ASS1: variants seen among roughly 807,000 people sequenced by gnomAD.
ASS1 encodes the protein argininosuccinate synthase.
ASS1 carries 58 observed loss-of-function variants against 60.5 expected under a neutral mutation model. The observed-to-expected ratio is 0.96, with a 90% CI of 0.78 to 1.19. The LOEUF is 1.19. Among genes scored for constraint, ASS1 ranks in the 50% most tolerant of loss-of-function variants. The pLI is 0.00. For synonymous variants in ASS1, 200 were observed against 206.9 expected (o/e 0.97, Z 0.29); for missense variants, 454 against 547.3 (o/e 0.83, Z 1.70).
Position 130,488,925 on chromosome 9 carries a change from C to T in ASS1, c.839-408C>T, listed in dbSNP as rs1171343082. ...TGTGTACATGTATGTGCACAGCTGT[C>T]CCCCTCCCCTGGCTCCCTGGTGGAA... is the stretch of plus-strand genomic sequence containing the variant. On this transcript the variant is annotated intron_variant, in intron 11 of 14. Transcript: ENST00000352480. The surrounding 1 kb of genome is among the most constrained non-coding windows in gnomAD (Gnocchi z 5.2). Among the ~76,000 whole-genome samples, 1 of 152,192 alleles carries T rather than the reference C, an allele frequency of 6.6e-6. No individual in the cohort carries two copies. Among genetic ancestry groups the T allele is most frequent in the Non-Finnish European group, 1.5e-5 (1 of 68,036 alleles).
At chr9:130,452,091 C>T (rs747630685) in intron 1 of ASS1, 133 bp from the exon 2 acceptor site, 1 of 789,292 alleles carries the variant, frequency 1.3e-6, no homozygotes, top group South Asian at 1.5e-5. Context: ...CATCCTGTTC[C>T]CGACCTTCAG....
intron 8 of ASS1, among the ~76,000 whole-genome samples, chr9:130,474,758 A>G (rs2131890650): frequency 6.6e-6 from 1 of 152,322 alleles, no homozygotes; most frequent in Non-Finnish European, 1.5e-5. Context: ...AGCCCAGGTT[A>G]CTACAGCAGC....
chr9:130,473,336 C>T lies in ASS1; in HGVS notation c.597+1821C>T, dbSNP rs190342447. Among the ~76,000 whole-genome samples the T allele has an allele frequency of 1.2e-3, 181 of 152,302 alleles. 1 individual carries two copies. The highest frequency in any genetic ancestry group is 4.1e-3 in the African/African-American group (169 of 41,578). ...TCAGGGCAAGCCCTCAGTCATGCAG[C>T]TGGGGGTCCCATGCTACCTCTTCAT... On this transcript the variant is annotated intron_variant, in intron 8 of 14. Coordinates refer to ENST00000352480, the MANE Select transcript of ASS1 (RefSeq NM_054012.4).
At chr9:130,448,422 G>GCACA (rs3085579) in intron 1 of ASS1, among the ~76,000 whole-genome samples, 65 of 143,382 alleles carry the variant, frequency 4.5e-4, no homozygotes, top group African/African-American at 8.0e-4. Context: ...GTGTGCGCGC[G>GCACA]CACACACACA....
intron 6 of ASS1, among the ~76,000 whole-genome samples, chr9:130,467,518 C>T (rs1339410070): frequency 1.3e-5 from 2 of 152,134 alleles, no homozygotes; most frequent in East Asian, 1.9e-4. Context: ...TGTGAGCTCT[C>T]GCTGCAGCCA....
At chr9:130,458,651 T>G (rs1287616716) in intron 4 of ASS1, 62 bp downstream of exon 4, 2 of 1,572,974 alleles carry the variant, frequency 1.3e-6, no homozygotes, top group East Asian at 2.3e-5. Flanking sequence ...GGGAAGGAGA[T>G]GAGCACCCCT....
At chr9:130,463,789 C>G (rs116039396) in intron 4 of ASS1, among the ~76,000 whole-genome samples, 1,824 of 152,250 alleles carry the variant, frequency 0.012, 42 homozygotes, top group African/African-American at 0.042. Context: ...GACTATAGTG[C>G]GAGCTCTGGG....
intron 14 of ASS1, among the ~76,000 whole-genome samples, chr9:130,500,666 T>C (rs1284732897): frequency 1.3e-5 from 2 of 152,162 alleles, no homozygotes; most frequent in African/African-American, 4.8e-5. Flanking sequence ...TATGACTCTA[T>C]AAACCCTTTT....
chr9:130,489,319 G>A lies in ASS1; in HGVS notation c.839-14G>A, dbSNP rs772156004. ...CTTTTTTCTCCTTTTCCCCCTGCCT[G>A]GAAAAATGGCTAGGTATCTACGAGA... On this transcript the variant is annotated splice_polypyrimidine_tract_variant and intron_variant, in intron 11 of 14. Transcript: ENST00000352480. This position sits in a 1 kb window ranked among gnomAD's most constrained non-coding sequence, Gnocchi z 4.1. 1.9e-6 allele frequency: 3 copies of A among 1,613,132 alleles called. No individual in the cohort carries two copies. The highest frequency in any genetic ancestry group is 1.1e-5 in the South Asian group (1 of 91,036).
At chr9:130,456,904 T>G (rs1023806743) in intron 3 of ASS1, among the ~76,000 whole-genome samples, 15 of 151,422 alleles carry the variant, frequency 9.9e-5, no homozygotes, top group African/African-American at 3.4e-4. Flanking sequence ...CCAGTCTGGA[T>G]GACAGAGAGT....
At chr9:130,495,255 C>T (rs950720961) in intron 13 of ASS1, among the ~76,000 whole-genome samples, 1 of 151,962 alleles carries the variant, frequency 6.6e-6, no homozygotes, top group African/African-American at 2.4e-5. Flanking sequence ...TGGCAGCGGG[C>T]TGTGAGGAAT....
Position 130,476,198 on chromosome 9 carries a change from G to A in ASS1, c.598-673G>A, listed in dbSNP as rs1846013994. The A allele has an allele frequency of 6.5e-6, 1 of 153,600 alleles. No individual in the cohort carries two copies. The highest frequency in any genetic ancestry group is 2.4e-5 in the African/African-American group (1 of 41,582). The allele number at this position is 153,600 out of a possible 1,614,324, so 9.5% of individuals were successfully genotyped here. On this transcript the variant is annotated intron_variant, in intron 8 of 14. Coordinates refer to ENST00000352480, the MANE Select transcript of ASS1 (RefSeq NM_054012.4). The surrounding 1 kb of genome is among the most constrained non-coding windows in gnomAD (Gnocchi z 4.9). ...GGCCCCAGTCCCCACAGTGGCAAAT[G>A]TCCAAGCCACGGCCTGGGGGAGCTG...
At chr9:130,450,263 C>T in intron 1 of ASS1, 2 of 988,120 alleles carry the variant, frequency 2.0e-6, no homozygotes, top group Non-Finnish European at 2.4e-6. Context: ...AGTAGCTCTG[C>T]TTTTGCAGAG....
At chr9:130,482,764 T>C (rs1363176424) in intron 11 of ASS1, among the ~76,000 whole-genome samples, 1 of 152,202 alleles carries the variant, frequency 6.6e-6, no homozygotes, top group Non-Finnish European at 1.5e-5. Context: ...AACAGTCTGT[T>C]CCAATCCCCG....
intron 1 of ASS1, 50 bp from the exon 2 acceptor site, chr9:130,452,174 G>A (rs914028962): frequency 6.6e-7 from 1 of 1,515,714 alleles, no homozygotes; most frequent in African/African-American, 1.4e-5. Context: ...GGCTGGCGGG[G>A]GGCACTGGCT....
At chr9:130,453,306 G>A (rs1845366930) in intron 2 of ASS1, among the ~76,000 whole-genome samples, 1 of 152,260 alleles carries the variant, frequency 6.6e-6, no homozygotes, top group Non-Finnish European at 1.5e-5. Context: ...GGTCCACCCA[G>A]GAAAGAAGGT....
chr9:130,456,768 G>A (rs1418024054), intron 3 of ASS1, among the ~76,000 whole-genome samples: 2 of 151,870 alleles, frequency 1.3e-5, no homozygotes, highest in East Asian at 3.9e-4. Context: ...TGGCCAACCA[G>A]CCTAGTTTCT....
At chr9:130,482,789 C>T (rs562310166) in intron 11 of ASS1, among the ~76,000 whole-genome samples, 1 of 152,214 alleles carries the variant, frequency 6.6e-6, no homozygotes, top group Non-Finnish European at 1.5e-5. Context: ...TCCTTACCAC[C>T]CACCTGGGGA....
chr9:130,454,371 A>G lies in ASS1; in HGVS notation c.172A>G (p.Lys58Glu). 6.2e-7 allele frequency: 1 copy of G among 1,613,582 alleles called. No individual in the cohort carries two copies. The highest frequency in any genetic ancestry group is 8.5e-7 in the Non-Finnish European group (1 of 1,179,756). The change falls in exon 3 of 15, where the codon AAG (lysine) becomes GAG (glutamate). Residue 58 changes from lysine (K) to glutamate (E), a missense_variant and splice_region_variant. Transcript: ENST00000352480. The part of the protein sequence containing the change: ...RKKALKLGAK[K>E]VFIEDVSREF... ...GAAGGCACTGAAGCTTGGGGCCAAA[A>G]AGGTACCAGGCGGGAGGCAGGGATT...
Sources: allele counts gnomAD v4.1 joint callset (sites outside exome capture counted in the v4.1 genomes callset), GRCh38; gene constraint gnomAD v4.1.1; non-coding constraint Gnocchi (gnomAD v3.1); transcripts MANE v1.5; gene names NCBI Gene and HGNC (gene_info 2026-07-23, HGNC 2026-07-21).